The following ADGRB3 variants were observed in gnomAD, a reference collection of about 807,000 sequenced individuals.
ADGRB3 encodes the protein adhesion G protein-coupled receptor B3, also known as brain-specific angiogenesis inhibitor 3.
A neutral mutation model predicts 193.4 loss-of-function variants in ADGRB3; 37 were observed. That is an observed-to-expected ratio of 0.19 (90% CI 0.15 to 0.25). The LOEUF is 0.25. Ranked by LOEUF, ADGRB3 falls within the 10% of genes least tolerant of loss-of-function variation. The pLI is 1.00. For synonymous variants in ADGRB3, 690 were observed against 644.2 expected (o/e 1.07, Z -1.08); for missense variants, 1,637 against 1,852.9 (o/e 0.88, Z 2.14).
At chr6:69,198,143 TA>T (rs1765339598) in intron 17 of ADGRB3, among the ~76,000 whole-genome samples, 1 of 152,100 alleles carries the variant, frequency 6.6e-6, no homozygotes, top group Non-Finnish European at 1.5e-5. Context: ...TCTGATATAA[TA>T]AAAATTATTC....
chr6:69,178,116 A>G (rs1194264574), intron 17 of ADGRB3, among the ~76,000 whole-genome samples: 1 of 152,194 alleles, frequency 6.6e-6, no homozygotes, highest in Admixed American at 6.5e-5. Flanking sequence ...GGGTGCTCCA[A>G]TGTGGTATGC....
intron 3 of ADGRB3, among the ~76,000 whole-genome samples, chr6:68,865,869 G>A (rs1765282139): frequency 6.6e-6 from 1 of 152,106 alleles, no homozygotes; most frequent in Non-Finnish European, 1.5e-5. Flanking sequence ...CAGAACAATA[G>A]CCTTCTTCCT....
chr6:69,211,628 C>T (rs1228488704), intron 17 of ADGRB3, among the ~76,000 whole-genome samples: 1 of 152,060 alleles, frequency 6.6e-6, no homozygotes, highest in Non-Finnish European at 1.5e-5. Context: ...CCTTATCTTC[C>T]TCTCATTTAT....
intron 3 of ADGRB3, among the ~76,000 whole-genome samples, chr6:68,734,516 CATGAATCTCAGAA>C (rs1765835920): frequency 6.6e-6 from 1 of 151,872 alleles, no homozygotes; most frequent in Non-Finnish European, 1.5e-5. Flanking sequence ...AATTTGAGGT[CATGAATCTCAGAA>C]AGAGCCGTCT....
At chr6:68,766,713 T>C (rs1766513466) in intron 3 of ADGRB3, among the ~76,000 whole-genome samples, 1 of 152,026 alleles carries the variant, frequency 6.6e-6, no homozygotes. Flanking sequence ...TTTTACTTCT[T>C]GTCCCACTCT....
At chr6:68,984,614 G>C (rs957585249) in intron 10 of ADGRB3, among the ~76,000 whole-genome samples, 4 of 151,840 alleles carry the variant, frequency 2.6e-5, no homozygotes, top group African/African-American at 4.8e-5. Context: ...GCCAAAAAAG[G>C]GTTTTGTATT....
At chr6:68,722,305 TCA>T (rs1048223699) in intron 3 of ADGRB3, among the ~76,000 whole-genome samples, 2 of 151,662 alleles carry the variant, frequency 1.3e-5, no homozygotes, top group Admixed American at 6.6e-5. Flanking sequence ...GAGGGGAACA[TCA>T]CACACTGGGG....
intron 3 of ADGRB3, among the ~76,000 whole-genome samples, chr6:68,864,048 T>A (rs1474903150): frequency 6.6e-6 from 1 of 152,208 alleles, no homozygotes; most frequent in African/African-American, 2.4e-5. Flanking sequence ...TTCTTCTTTT[T>A]TATAATTTAT....
At chr6:69,032,785 G>T (rs898063489) in intron 13 of ADGRB3, among the ~76,000 whole-genome samples, 1 of 152,122 alleles carries the variant, frequency 6.6e-6, no homozygotes, top group African/African-American at 2.4e-5. Context: ...ATGCCCTTTT[G>T]TATCTTTTAA....
intron 10 of ADGRB3, among the ~76,000 whole-genome samples, chr6:68,977,102 TA>T (rs1307838485): frequency 2.0e-5 from 3 of 149,680 alleles, no homozygotes; most frequent in Non-Finnish European, 4.4e-5. Context: ...TATACACATG[TA>T]TTTTTTATAG....
At chr6:69,214,365 T>C (rs1413111351) in intron 17 of ADGRB3, among the ~76,000 whole-genome samples, 3 of 152,160 alleles carry the variant, frequency 2.0e-5, no homozygotes, top group Admixed American at 6.5e-5. Context: ...TCAGTGCTGC[T>C]TGACCCACTG....
At chr6:69,308,597 T>G (rs2127299392) in intron 20 of ADGRB3, among the ~76,000 whole-genome samples, 1 of 151,846 alleles carries the variant, frequency 6.6e-6, no homozygotes, top group South Asian at 2.1e-4. Flanking sequence ...TTAGGTTTAA[T>G]TTTGACTGTT....
At chr6:68,787,244 G>A (rs1435027764) in intron 3 of ADGRB3, among the ~76,000 whole-genome samples, 1 of 152,098 alleles carries the variant, frequency 6.6e-6, no homozygotes, top group African/African-American at 2.4e-5. Flanking sequence ...TTTTCAAAGG[G>A]AATGCTTCCA....
intron 3 of ADGRB3, among the ~76,000 whole-genome samples, chr6:68,664,716 A>G (rs933372443): frequency 6.6e-6 from 1 of 151,834 alleles, no homozygotes; most frequent in African/African-American, 2.4e-5. Context: ...TTGTGCAGAG[A>G]GTTAAGCGTG....
At chr6:68,844,957 TACCAGAGTCTG>T (rs950696648) in intron 3 of ADGRB3, among the ~76,000 whole-genome samples, 1 of 152,098 alleles carries the variant, frequency 6.6e-6, no homozygotes, top group Non-Finnish European at 1.5e-5. Context: ...GAATTATGGT[TACCAGAGTCTG>T]GGAAGGGTAG....
chr6:68,850,549 G>T (rs1355942522), intron 3 of ADGRB3, among the ~76,000 whole-genome samples: 1 of 147,802 alleles, frequency 6.8e-6, no homozygotes, highest in Non-Finnish European at 1.5e-5. Context: ...ATGTCTTATT[G>T]TTGACTATGT....
At chr6:69,154,230 G>T (rs1188470672) in intron 17 of ADGRB3, among the ~76,000 whole-genome samples, 1 of 152,154 alleles carries the variant, frequency 6.6e-6, no homozygotes, top group Non-Finnish European at 1.5e-5. Flanking sequence ...CCCATGTGAT[G>T]ATGAAAGATT....
At chr6:68,887,336 T>C (rs1765938430) in intron 3 of ADGRB3, among the ~76,000 whole-genome samples, 1 of 152,106 alleles carries the variant, frequency 6.6e-6, no homozygotes, top group Non-Finnish European at 1.5e-5. Context: ...ATGATATCTT[T>C]TGAGTTTTGG....
chr6:68,923,933 T>C (rs975075491), intron 3 of ADGRB3, among the ~76,000 whole-genome samples: 2 of 152,106 alleles, frequency 1.3e-5, no homozygotes, highest in South Asian at 2.1e-4. Flanking sequence ...AATTGTATGC[T>C]GTAAGAGTTT....
Sources: allele counts gnomAD v4.1 joint callset (sites outside exome capture counted in the v4.1 genomes callset), GRCh38; gene constraint gnomAD v4.1.1; transcripts MANE v1.5; gene names NCBI Gene and HGNC (gene_info 2026-07-23, HGNC 2026-07-21).